Variants in LPIN1 observed in about 807,000 individuals in gnomAD.
LPIN1 encodes lipin 1.
Under a neutral mutation model 107.5 loss-of-function variants are expected in LPIN1, and 71 were observed. The observed-to-expected ratio is 0.66, with a 90% CI of 0.55 to 0.80. LPIN1 has a LOEUF of 0.80. LPIN1 is among the 30% of genes least tolerant of loss of function. The probability of loss-of-function intolerance (pLI) is 0.00; values close to 1 mark genes in which losing one functional copy is unlikely to be tolerated. For missense variants in LPIN1, 1,043 were observed against 1,160.6 expected (o/e 0.90, Z 1.47); for synonymous variants, 445 against 452.6 (o/e 0.98, Z 0.21).
At chr2:11,738,136 C>T (rs748559581) in intron 1 of LPIN1, among the ~76,000 whole-genome samples, 5 of 151,792 alleles carry the variant, frequency 3.3e-5, no homozygotes, top group East Asian at 1.9e-4. Context: ...AACACAGGAA[C>T]GGAAAACCAA....
At chr2:11,767,932 G>A in intron 3 of LPIN1, 74 bp downstream of exon 3, 2 of 977,536 alleles carry the variant, frequency 2.0e-6, no homozygotes, top group Non-Finnish European at 3.3e-6. Context: ...AAACACGGCA[G>A]AAGTTTGTGC....
At chr2:11,747,490 G>A (rs1463432823) in intron 1 of LPIN1, among the ~76,000 whole-genome samples, 1 of 152,222 alleles carries the variant, frequency 6.6e-6, no homozygotes, top group Non-Finnish European at 1.5e-5. Context: ...AACCAACTAA[G>A]ACAACTGGCA....
chr2:11,823,395 T>C (rs1681899836), intron 20 of LPIN1, among the ~76,000 whole-genome samples: 1 of 152,244 alleles, frequency 6.6e-6, no homozygotes, highest in Non-Finnish European at 1.5e-5. Flanking sequence ...TTTAAAAATC[T>C]GTCTGTTTGT....
chr2:11,699,878 C>T lies in LPIN1; in HGVS notation c.82-13878C>T, dbSNP rs568915135. 1.1e-4 allele frequency among the ~76,000 whole-genome samples: 17 copies of T among 152,078 alleles called. No individual in the cohort carries two copies. The South Asian group carries it at 1.9e-3, about 17-fold the overall frequency. Reference sequence around the variant, plus strand: ...GAGAGGAGCCGGTTGGCTGGACAAACGGTAAGCTGTGTGGCTTTGGGAAAA... The same window carrying T: ...GAGAGGAGCCGGTTGGCTGGACAAATGGTAAGCTGTGTGGCTTTGGGAAAA... On this transcript the variant is annotated intron_variant, in intron 1 of 21. Coordinates refer to the LPIN1 transcript ENST00000449576.
chr2:11,786,552 G>T lies in LPIN1; in HGVS notation c.1550-522G>T, dbSNP rs1674611659. Among the ~76,000 whole-genome samples, 1 of 152,132 alleles carries T rather than the reference G, an allele frequency of 6.6e-6. No homozygotes were observed. Among genetic ancestry groups the T allele is most frequent in the Non-Finnish European group, 1.5e-5 (1 of 68,012 alleles). On this transcript the variant is annotated intron_variant, in intron 10 of 20. Transcript: ENST00000674199. The surrounding 1 kb of genome is among the most constrained non-coding windows in gnomAD (Gnocchi z 4.1). ...AACAGTGCCCTGCCTGCTTCTGATTGTGGTGGAGGCAGCCCCATTTTTGAA... is the reference window on the plus strand; with the variant it reads ...AACAGTGCCCTGCCTGCTTCTGATTTTGGTGGAGGCAGCCCCATTTTTGAA...
At chr2:11,684,127 C>T (rs190553109) in intron 1 of LPIN1, among the ~76,000 whole-genome samples, 32 of 152,286 alleles carry the variant, frequency 2.1e-4, no homozygotes, top group Non-Finnish European at 3.4e-4. Context: ...TCTTGTGATC[C>T]GAATGGCAGC....
intron 17 of LPIN1, among the ~76,000 whole-genome samples, chr2:11,808,767 G>A (rs962310413): frequency 1.3e-5 from 2 of 151,732 alleles, no homozygotes; most frequent in Non-Finnish European, 2.9e-5. Context: ...CCAGCTGCTC[G>A]GGAGGCTGAG....
At position 11,771,816 on chromosome 2, in the gene LPIN1, C is replaced by A; in HGVS notation, c.596+137C>A. 2.3e-6 allele frequency: 2 copies of A among 883,536 alleles called. No individual in the cohort carries two copies. Among genetic ancestry groups the A allele is most frequent in the Non-Finnish European group, 3.5e-6 (2 of 577,714 alleles). 54.7% of individuals were successfully genotyped at this position (883,536 alleles called of 1,614,324 possible). On this transcript the variant is annotated intron_variant, in intron 4 of 20. Coordinates refer to ENST00000674199, the MANE Select transcript of LPIN1 (RefSeq NM_001349206.2). This position sits in a 1 kb window ranked among gnomAD's most constrained non-coding sequence, Gnocchi z 4.8. ...CCAGTGGTCCCCAACCTTTTTGGCA[C>A]TAGGGACCAGTTTTGTGGAAGACAG...
chr2:11,811,321 G>A (rs1404147765), intron 17 of LPIN1, among the ~76,000 whole-genome samples: 1 of 152,220 alleles, frequency 6.6e-6, no homozygotes, highest in African/African-American at 2.4e-5. Flanking sequence ...TCTTCCCTGT[G>A]AGGGGCACCA....
At chr2:11,787,753 A>G (rs1674896996) in intron 11 of LPIN1, among the ~76,000 whole-genome samples, 1 of 151,848 alleles carries the variant, frequency 6.6e-6, no homozygotes, top group Non-Finnish European at 1.5e-5. Context: ...CATCCTGGCT[A>G]ACACGGTGAA....
Position 11,771,421 on chromosome 2 carries a change from C to T in LPIN1, c.338C>T (p.Ala113Val). The T allele has an allele frequency of 6.2e-7, 1 of 1,614,228 alleles. No individual in the cohort carries two copies. ...ACCTCCCCCATCCTGTCAGAAGGAG[C>T]TTCGAGAATGGAATGCCAGCTGAAA... The part of the protein sequence containing the change: ...LATSPILSEG[A>V]SRMECQLKRG... Residue 113 changes from alanine to valine, a missense_variant, in exon 4 of 21, where the codon GCT becomes GTT. Transcript: ENST00000674199. This position sits in a 1 kb window ranked among gnomAD's most constrained non-coding sequence, Gnocchi z 4.8.
chr2:11,787,252 T>G, intron 11 of LPIN1, 85 bp downstream of exon 11: 1 of 923,022 alleles, frequency 1.1e-6, no homozygotes, highest in South Asian at 1.3e-5. Flanking sequence ...CATTAAGCCT[T>G]AGAAATATAT....
At chr2:11,782,022 G>T (rs1233371030) in intron 7 of LPIN1, among the ~76,000 whole-genome samples, 179 bp from the exon 8 acceptor site, 1 of 152,186 alleles carries the variant, frequency 6.6e-6, no homozygotes, top group Non-Finnish European at 1.5e-5. Flanking sequence ...ATTTGCTTTG[G>T]ACCTAATATT....
chr2:11,787,785 CA>C (rs1377557649), intron 11 of LPIN1, among the ~76,000 whole-genome samples: 1 of 151,834 alleles, frequency 6.6e-6, no homozygotes, highest in African/African-American at 2.4e-5. Context: ...ACTAAAGATA[CA>C]AAAAATTAGC....
chr2:11,793,620 T>A (rs887845199), intron 13 of LPIN1, among the ~76,000 whole-genome samples: 1 of 152,214 alleles, frequency 6.6e-6, no homozygotes, highest in Non-Finnish European at 1.5e-5. Context: ...CCCTGGGGGC[T>A]TTGCACATGC....
At chr2:11,718,966 G>A (rs1266530058) in intron 2 of LPIN1, among the ~76,000 whole-genome samples, 2 of 152,068 alleles carry the variant, frequency 1.3e-5, no homozygotes, top group East Asian at 1.9e-4. Context: ...TCTATTGCCC[G>A]ACTTTTTTGG....
chr2:11,784,028 G>A (rs966360301), intron 9 of LPIN1, 106 bp downstream of exon 9: 11 of 1,583,436 alleles, frequency 6.9e-6, no homozygotes, highest in Non-Finnish European at 8.6e-6. Flanking sequence ...AAGACAGCTG[G>A]GCGCGGTGGC....
chr2:11,713,691 A>G, intron 1 of LPIN1: 3 of 963,364 alleles, frequency 3.1e-6, no homozygotes, highest in Non-Finnish European at 4.7e-6. Context: ...AAGTTATGCA[A>G]CCATTACCAC....
At chr2:11,752,767 G>C (rs1296322188) in intron 1 of LPIN1, among the ~76,000 whole-genome samples, 1 of 152,086 alleles carries the variant, frequency 6.6e-6, no homozygotes, top group Non-Finnish European at 1.5e-5. Flanking sequence ...ATCTTCTAGA[G>C]GTGGCTGGTG....
Sources: gnomAD v4.1 joint callset for allele counts (sites outside exome capture counted in the v4.1 genomes callset) on GRCh38, gnomAD v4.1.1 for gene constraint, Gnocchi (gnomAD v3.1) non-coding constraint, MANE v1.5 for transcripts, NCBI Gene and HGNC (gene_info 2026-07-23, HGNC 2026-07-21) for gene names.